Variants in PRMT8 observed in about 807,000 individuals in gnomAD.
PRMT8 encodes protein arginine N-methyltransferase 8.
In PRMT8, 7 loss-of-function variants were observed where a neutral mutation model predicts 47.1. The ratio of observed to expected loss-of-function variants is 0.15; its 90% CI spans 0.08 to 0.28. The LOEUF is 0.28. Ranked by LOEUF, PRMT8 falls within the 10% of genes least tolerant of loss-of-function variation. PRMT8 has a pLI of 1.00. For synonymous variants in PRMT8, 188 were observed against 186.5 expected (o/e 1.01, Z -0.07); for missense variants, 237 against 505.4 (o/e 0.47, Z 5.09).
intron 1 of PRMT8, among the ~76,000 whole-genome samples, chr12:3,429,015 A>ACT (rs1009495948): frequency 1.7e-5 from 2 of 115,174 alleles, no homozygotes; most frequent in East Asian, 2.6e-4. Flanking sequence ...TCTCTCTCTG[A>ACT]CTCTCTCTCT....
chr12:3,457,267 CA>C (rs1386613474), intron 1 of PRMT8, among the ~76,000 whole-genome samples: 4 of 152,154 alleles, frequency 2.6e-5, no homozygotes, highest in Admixed American at 1.3e-4. Flanking sequence ...TCTCAGTTCT[CA>C]ACTGCTGTTC....
intron 1 of PRMT8, among the ~76,000 whole-genome samples, chr12:3,388,974 G>A (rs12821399): frequency 0.08 from 12,101 of 152,118 alleles, 662 homozygotes; most frequent in Middle Eastern, 0.13. Flanking sequence ...TGAACCTTAG[G>A]CTGTGGAGTT....
At chr12:3,565,687 T>C (rs1308696169) in intron 4 of PRMT8, among the ~76,000 whole-genome samples, 2 of 152,224 alleles carry the variant, frequency 1.3e-5, no homozygotes, top group African/African-American at 4.8e-5. Flanking sequence ...CATCTATCTG[T>C]CTTCTATATC....
intron 1 of PRMT8, among the ~76,000 whole-genome samples, chr12:3,537,042 G>A (rs1866129777): frequency 6.6e-6 from 1 of 152,196 alleles, no homozygotes; most frequent in African/African-American, 2.4e-5. Flanking sequence ...TTCAATTGCT[G>A]GGTTAACGGA....
At chr12:3,458,059 T>C (rs574900848) in intron 1 of PRMT8, among the ~76,000 whole-genome samples, 1 of 152,210 alleles carries the variant, frequency 6.6e-6, no homozygotes, top group East Asian at 1.9e-4. Flanking sequence ...GCCAGGCTGG[T>C]CTCGATTTCT....
At chr12:3,474,097 G>A (rs566989558) in intron 1 of PRMT8, among the ~76,000 whole-genome samples, 1 of 152,300 alleles carries the variant, frequency 6.6e-6, no homozygotes, top group South Asian at 2.1e-4. Context: ...ATTGGCTCAT[G>A]CCCTGCCCTC....
At chr12:3,480,668 T>C (rs1041736021) in intron 1 of PRMT8, among the ~76,000 whole-genome samples, 1 of 152,172 alleles carries the variant, frequency 6.6e-6, no homozygotes, top group African/African-American at 2.4e-5. Flanking sequence ...ACCGCTTTCT[T>C]ATAGCTTCAT....
intron 7 of PRMT8, 76 bp downstream of exon 7, chr12:3,577,062 G>A (rs1307651694): frequency 1.2e-5 from 15 of 1,254,516 alleles, no homozygotes; most frequent in South Asian, 3.8e-5. Flanking sequence ...AGGCAATGCC[G>A]GCTCCTGCAC....
At chr12:3,445,159 C>T (rs1044651002) in intron 1 of PRMT8, among the ~76,000 whole-genome samples, 2 of 152,222 alleles carry the variant, frequency 1.3e-5, no homozygotes, top group South Asian at 2.1e-4. Flanking sequence ...TTCAGAGTTA[C>T]ATCCACATTG....
intron 1 of PRMT8, among the ~76,000 whole-genome samples, chr12:3,410,335 C>A (rs1864414601): frequency 6.6e-6 from 1 of 152,216 alleles, no homozygotes; most frequent in South Asian, 2.1e-4. Context: ...GCTTTCTCAG[C>A]TTTTTACCTA....
In PRMT8 at chr12:3,564,582, A is replaced by G. The variant is rs1866687982; in HGVS notation, c.482-4124A>G. On this transcript the variant is annotated intron_variant, in intron 4 of 9. Coordinates refer to ENST00000382622, the MANE Select transcript of PRMT8 (RefSeq NM_019854.5). This position sits in a 1 kb window ranked among gnomAD's most constrained non-coding sequence, Gnocchi z 4.0. ...GCTCCCTGCTGTGCATTTAGTTCTG[A>G]TTAATCATTCTGTAATTTACCAGCC... Among the ~76,000 whole-genome samples the G allele has an allele frequency of 6.6e-6, 1 of 152,222 alleles. No individual in the cohort carries two copies. The highest frequency in any genetic ancestry group is 2.4e-5 in the African/African-American group (1 of 41,454).
intron 1 of PRMT8, among the ~76,000 whole-genome samples, chr12:3,536,102 C>T (rs1330693106): frequency 1.3e-5 from 2 of 152,112 alleles, no homozygotes; most frequent in African/African-American, 4.8e-5. Flanking sequence ...CATAGAATAC[C>T]CATATGTCTC....
At chr12:3,509,401 T>C (rs1865677141) in intron 1 of PRMT8, among the ~76,000 whole-genome samples, 1 of 152,198 alleles carries the variant, frequency 6.6e-6, no homozygotes, top group South Asian at 2.1e-4. Flanking sequence ...CCAAGTCTCC[T>C]CCTATGTTAT....
intron 1 of PRMT8, among the ~76,000 whole-genome samples, chr12:3,434,160 A>G (rs2878578): frequency 0.83 from 126,700 of 152,038 alleles, 54,239 homozygotes; most frequent in East Asian, 0.98. Flanking sequence ...AGGTCTAGTC[A>G]TTAACAAGAA....
intron 1 of PRMT8, among the ~76,000 whole-genome samples, chr12:3,429,046 C>T (rs1217361633): frequency 6.6e-6 from 1 of 152,086 alleles, no homozygotes; most frequent in Admixed American, 6.6e-5. Flanking sequence ...CTTTCCTTGA[C>T]CCCATCTTTG....
rs1243102778 is a variant in PRMT8 at position 3,393,694 on chromosome 12, C to T, written c.48+12252C>T. Among the ~76,000 whole-genome samples the T allele has an allele frequency of 8.4e-3, 1,177 of 140,826 alleles. 19 individuals carry two copies. Among genetic ancestry groups the T allele is most frequent in the African/African-American group, 0.029 (1,097 of 37,402 alleles). The allele number at this position is 140,826 out of a possible 152,430, so 92.4% of individuals were successfully genotyped here. A position where few individuals can be genotyped will look rare whatever the true frequency, so the allele number is the denominator to read the frequency against. ...TTGGCTTAGGATTGACTTGGCGATG[C>T]GGGCTCTTTTTTGGTTCCATATGAA... On this transcript the variant is annotated intron_variant, in intron 1 of 9. Coordinates refer to the PRMT8 transcript ENST00000452611.
rs920003661 is a variant in PRMT8 at position 3,456,223 on chromosome 12, G to A, written c.48+74781G>A. Among the ~76,000 whole-genome samples the A allele has an allele frequency of 6.6e-6, 1 of 152,178 alleles. No individual in the cohort carries two copies. Among genetic ancestry groups the A allele is most frequent in the East Asian group, 1.9e-4 (1 of 5,198 alleles). On this transcript the variant is annotated intron_variant, in intron 1 of 9. Transcript: ENST00000452611. The surrounding 1 kb of genome is among the most constrained non-coding windows in gnomAD (Gnocchi z 4.2). ...GGCACACCAAGCGCCACCTTTGAGC[G>A]GGAAATGGCAGCCTCCCCTTGCCTG...
chr12:3,478,261 CATCTATCT>C (rs760728898), intron 1 of PRMT8, among the ~76,000 whole-genome samples: 533 of 127,500 alleles, frequency 4.2e-3, no homozygotes, highest in South Asian at 0.011. Flanking sequence ...ATCCACCTAT[CATCTATCT>C]ATCTATCTAT....
At position 3,569,466 on chromosome 12, in the gene PRMT8, TTCA is replaced by T; in HGVS notation, c.625-7_625-5del. 2 of 1,612,286 alleles carry T rather than the reference TTCA, an allele frequency of 1.2e-6. No homozygotes were observed. The highest frequency in any genetic ancestry group is 1.7e-6 in the Non-Finnish European group (2 of 1,178,290). ...GATTACGAGACCCATTTCCCCACAA[TTCA>T]TCAACAGAAACCTGGAGGGCTTATG... On this transcript the variant is annotated splice_polypyrimidine_tract_variant and splice_region_variant and intron_variant, in intron 5 of 9. Coordinates refer to ENST00000382622, the MANE Select transcript of PRMT8 (RefSeq NM_019854.5). The surrounding 1 kb of genome is among the most constrained non-coding windows in gnomAD (Gnocchi z 8.2).
Sources: allele counts gnomAD v4.1 joint callset (sites outside exome capture counted in the v4.1 genomes callset), GRCh38; gene constraint gnomAD v4.1.1; non-coding constraint Gnocchi (gnomAD v3.1); transcripts MANE v1.5; gene names NCBI Gene and HGNC (gene_info 2026-07-23, HGNC 2026-07-21).